The following IMPACT variants were observed in gnomAD, a reference collection of about 807,000 sequenced individuals.
The protein encoded by IMPACT is protein IMPACT.
In IMPACT, 35 loss-of-function variants were observed where a neutral mutation model predicts 47.5. That is an observed-to-expected ratio of 0.74 (90% CI 0.56 to 0.98). The LOEUF (loss-of-function observed/expected upper bound fraction) is 0.98, where lower values mean the gene tolerates loss of function less well. Among genes scored for constraint, IMPACT ranks in the 50% least tolerant of loss-of-function variants. IMPACT has a pLI of 0.00. For synonymous variants in IMPACT, 118 were observed against 125.6 expected, an observed-to-expected ratio of 0.94 and a Z score of 0.40; for missense variants, 373 against 394.8, an observed-to-expected ratio of 0.94 and a Z score of 0.47.
At chr18:24,440,763 C>T (rs1909087856) in intron 6 of IMPACT, 145 bp downstream of exon 6, 2 of 807,734 alleles carry the variant, frequency 2.5e-6, no homozygotes, top group South Asian at 3.1e-5. Flanking sequence ...TTTTTTCCTG[C>T]CTGTTGGCAA....
chr18:24,436,491 C>T (rs1283605826), intron 4 of IMPACT, among the ~76,000 whole-genome samples: 1 of 151,696 alleles, frequency 6.6e-6, no homozygotes, highest in Non-Finnish European at 1.5e-5. Flanking sequence ...AAGCTATCCT[C>T]CTACGGTGCT....
At chr18:24,450,722 G>T in intron 10 of IMPACT, 57 bp from the exon 11 acceptor site, 1 of 1,085,680 alleles carries the variant, frequency 9.2e-7, no homozygotes, top group South Asian at 1.4e-5. Flanking sequence ...TGATTAGATT[G>T]AAGATTTCAT....
chr18:24,426,771 C>T lies in IMPACT; in HGVS notation c.15C>T (p.Asp5=). 1 of 1,242,222 alleles carries T rather than the reference C, an allele frequency of 8.1e-7. No individual in the cohort carries two copies. The allele number at this position is 1,242,222 out of a possible 1,614,324, so 76.9% of individuals were successfully genotyped here. ...CCAGGGGCCACATGGCTGAGGGGGACGCAGGGAGCGACCAGAGGCAGGTGA... is the reference window on the plus strand; with the variant it reads ...CCAGGGGCCACATGGCTGAGGGGGATGCAGGGAGCGACCAGAGGCAGGTGA... MAEG[D]AGSDQRQNEE... Residue 5 remains aspartate (D), a synonymous_variant, in exon 1 of 11, where the codon GAC becomes GAT. Transcript: ENST00000284202.
At position 24,449,873 on chromosome 18, in the gene IMPACT, C is replaced by T; in HGVS notation, c.814C>T (p.Leu272=). The T allele has an allele frequency of 6.2e-7, 1 of 1,612,930 alleles. No individual in the cohort carries two copies. Among genetic ancestry groups the T allele is most frequent in the Non-Finnish European group, 8.5e-7 (1 of 1,179,134 alleles). The change falls in exon 10 of 11, where the codon CTG becomes TTG. Residue 272 remains leucine, a synonymous_variant. Coordinates refer to ENST00000284202, the MANE Select transcript of IMPACT (RefSeq NM_018439.4). ...AGTATCACGCTGGTATGGAGGGATT[C>T]TGCTAGGACCAGATCGCTTTAAACA... ...VVVSRWYGGI[L]LGPDRFKHIN... is the part of the protein sequence containing the mutation.
In IMPACT at chr18:24,449,968, G is replaced by A. The variant is rs201665504; in HGVS notation, c.894+15G>A. ...CAAATTCACCTGTAAGTGGCTCTTCGTACTACATCTAGAGAATTTCTCATC... is the reference window on the plus strand; with the variant it reads ...CAAATTCACCTGTAAGTGGCTCTTCATACTACATCTAGAGAATTTCTCATC... On this transcript the variant is annotated intron_variant, in intron 10 of 10. Coordinates refer to ENST00000284202, the MANE Select transcript of IMPACT (RefSeq NM_018439.4). 2.0e-5 allele frequency: 32 copies of A among 1,611,452 alleles called. 1 individual carries two copies. The highest frequency in any genetic ancestry group is 2.0e-4 in the South Asian group (18 of 90,900).
At position 24,449,843 on chromosome 18, in the gene IMPACT, G is replaced by A. The variant is rs1473367566; in HGVS notation, c.784G>A (p.Val262Met). The change falls in exon 10 of 11, where the codon GTG (valine) becomes ATG (methionine). Residue 262 changes from valine to methionine, a missense_variant. Val to Met is a conservative substitution (Grantham distance 21). Coordinates refer to ENST00000284202, the MANE Select transcript of IMPACT (RefSeq NM_018439.4). ...MEILNVKNVMVVVSRWYGGIL... is the reference protein window; with the variant it reads ...MEILNVKNVMMVVSRWYGGIL... ...GATTTTGAATGTGAAGAATGTCATG[G>A]TGGTAGTATCACGCTGGTATGGAGG... 2 of 1,612,844 alleles carry A rather than the reference G, an allele frequency of 1.2e-6. No homozygotes were observed.
intron 5 of IMPACT, among the ~76,000 whole-genome samples, chr18:24,440,150 T>A (rs117909029): frequency 0.041 from 4,043 of 99,522 alleles, 57 homozygotes; most frequent in Non-Finnish European, 0.072. Flanking sequence ...TGGACTCATG[T>A]ATATTATTTC....
chr18:24,430,013 G>A (rs938298263), intron 3 of IMPACT, among the ~76,000 whole-genome samples: 4 of 152,006 alleles, frequency 2.6e-5, no homozygotes, highest in Admixed American at 2.0e-4. Flanking sequence ...TCCTGACCTC[G>A]TGATCTGCCC....
intron 3 of IMPACT, among the ~76,000 whole-genome samples, chr18:24,429,945 T>G (rs975639270): frequency 1.3e-5 from 2 of 151,960 alleles, no homozygotes; most frequent in African/African-American, 2.4e-5. Context: ...ACCCAGCTAA[T>G]TTTTTGTATT....
chr18:24,443,714 T>G (rs1909176213), intron 7 of IMPACT, among the ~76,000 whole-genome samples: 1 of 152,210 alleles, frequency 6.6e-6, no homozygotes, highest in South Asian at 2.1e-4. Flanking sequence ...CTACCTGACT[T>G]ACTTTCCTTT....
At chr18:24,430,748 A>T (rs1042517141) in intron 4 of IMPACT, among the ~76,000 whole-genome samples, 3 of 152,062 alleles carry the variant, frequency 2.0e-5, no homozygotes, top group African/African-American at 7.2e-5. Context: ...TCAATAAATT[A>T]AAAAAAAGTT....
chr18:24,440,809 G>GA (rs1156637864), intron 6 of IMPACT, among the ~76,000 whole-genome samples, 191 bp downstream of exon 6: 4 of 152,166 alleles, frequency 2.6e-5, no homozygotes, highest in African/African-American at 7.2e-5. Context: ...GAATGGCAAG[G>GA]AAAAAATGGA....
chr18:24,451,468 T>G lies in IMPACT; in HGVS notation c.*621T>G, dbSNP rs1454030253. The G allele has an allele frequency of 6.6e-6, 1 of 152,234 alleles. No individual in the cohort carries two copies. The highest frequency in any genetic ancestry group is 1.5e-5 in the Non-Finnish European group (1 of 68,044). 9.4% of individuals were successfully genotyped at this position (152,234 alleles called of 1,614,324 possible). A position where few individuals can be genotyped will look rare whatever the true frequency, so the allele number is the denominator to read the frequency against. On this transcript the variant is annotated 3_prime_UTR_variant, in exon 11 of 11. Coordinates refer to ENST00000284202, the MANE Select transcript of IMPACT (RefSeq NM_018439.4). Reference sequence around the variant, plus strand: ...ATATTTGTTAGCATAAATATTATGCTTCAGTTTCTGTTGCAAATTGGTGAT... The same window carrying G: ...ATATTTGTTAGCATAAATATTATGCGTCAGTTTCTGTTGCAAATTGGTGAT...
At chr18:24,431,843 A>G (rs1038955860) in intron 4 of IMPACT, among the ~76,000 whole-genome samples, 3 of 152,010 alleles carry the variant, frequency 2.0e-5, no homozygotes, top group African/African-American at 7.3e-5. Flanking sequence ...ATGGGACTAC[A>G]GGCGCCCGCC....
chr18:24,440,419 A>G, intron 5 of IMPACT, 77 bp from the exon 6 acceptor site: 1 of 1,505,412 alleles, frequency 6.6e-7, no homozygotes, highest in Non-Finnish European at 9.1e-7. Context: ...TTTAGAACCC[A>G]AGACCCAGTG....
chr18:24,432,287 T>G (rs2144332873), intron 4 of IMPACT, among the ~76,000 whole-genome samples: 1 of 152,344 alleles, frequency 6.6e-6, no homozygotes, highest in South Asian at 2.1e-4. Flanking sequence ...ATGATTTAGA[T>G]TAATTTTAAT....
In IMPACT at chr18:24,443,037, T is replaced by G; in HGVS notation, c.491-12T>G. 2 of 1,437,312 alleles carry G rather than the reference T, an allele frequency of 1.4e-6. No individual in the cohort carries two copies. Among genetic ancestry groups the G allele is most frequent in the Non-Finnish European group, 1.9e-6 (2 of 1,034,302 alleles). 89.0% of individuals were successfully genotyped at this position (1,437,312 alleles called of 1,614,324 possible). A position where few individuals can be genotyped will look rare whatever the true frequency, so the allele number is the denominator to read the frequency against. ...GGCTTTTTAAAAAATAAAGTTTCTT[T>G]TACATTTCTAGAAGTAGAAGTAGAA... On this transcript the variant is annotated splice_polypyrimidine_tract_variant and intron_variant, in intron 6 of 10. Transcript: ENST00000284202.
chr18:24,434,737 TG>T (rs1599762643), intron 4 of IMPACT, among the ~76,000 whole-genome samples: 1 of 132,742 alleles, frequency 7.5e-6, no homozygotes, highest in African/African-American at 2.9e-5. Flanking sequence ...CACTCCAGCC[TG>T]GGCAACAAGA....
In IMPACT at chr18:24,450,995, T is replaced by G; in HGVS notation, c.*148T>G. 1 of 518,620 alleles carries G rather than the reference T, an allele frequency of 1.9e-6. No individual in the cohort carries two copies. Among genetic ancestry groups the G allele is most frequent in the African/African-American group, 1.9e-5 (1 of 51,470 alleles). 32.1% of individuals were successfully genotyped at this position (518,620 alleles called of 1,614,324 possible). A position where few individuals can be genotyped will look rare whatever the true frequency, so the allele number is the denominator to read the frequency against. Reference sequence around the variant, plus strand: ...ACCAACATTAGCTTTTCTTCTTGGTTATATCATCTGCCAAAAATAGAGAAC... The same window carrying G: ...ACCAACATTAGCTTTTCTTCTTGGTGATATCATCTGCCAAAAATAGAGAAC... On this transcript the variant is annotated 3_prime_UTR_variant, in exon 11 of 11. Transcript: ENST00000284202.
Sources: gnomAD v4.1 joint callset for allele counts (sites outside exome capture counted in the v4.1 genomes callset) on GRCh38, gnomAD v4.1.1 for gene constraint, MANE v1.5 for transcripts, NCBI Gene and HGNC (gene_info 2026-07-23, HGNC 2026-07-21) for gene names.